Variants in CDH11 observed in about 807,000 individuals in gnomAD.
CDH11 encodes the protein cadherin-11.
In CDH11, 11 loss-of-function variants were observed where a neutral mutation model predicts 67.8. The ratio of observed to expected loss-of-function variants is 0.16; its 90% CI spans 0.10 to 0.27. The LOEUF is 0.27. Among genes scored for constraint, CDH11 ranks in the 10% least tolerant of loss-of-function variants. CDH11 has a pLI of 1.00. For missense variants in CDH11, 847 were observed against 1,031.2 expected (o/e 0.82, Z 2.45); for synonymous variants, 419 against 400.0 (o/e 1.05, Z -0.57).
intron 1 of CDH11, among the ~76,000 whole-genome samples, chr16:65,060,500 G>A (rs1342451484): frequency 6.6e-6 from 1 of 151,950 alleles, no homozygotes; most frequent in Non-Finnish European, 1.5e-5. Flanking sequence ...TTTTAGGGTG[G>A]AGGTGAGAAG....
chr16:64,992,026 A>G lies in CDH11; in HGVS notation c.644-91T>C, dbSNP rs563458495. ...GAGCACTGAGGAAGCAATGCTGAAT[A>G]AAATATCCCATGCCCTCAGCAAGAA... On this transcript the variant is annotated intron_variant, in intron 5 of 12. Transcript: ENST00000268603. 3.2e-5 allele frequency: 27 copies of G among 849,204 alleles called. No individual in the cohort carries two copies. In the South Asian group the frequency reaches 6.5e-4, roughly 20 times the overall value. The allele number at this position is 849,204 out of a possible 1,614,324, so 52.6% of individuals were successfully genotyped here.
intron 1 of CDH11, among the ~76,000 whole-genome samples, chr16:65,065,097 C>T (rs1442809653): frequency 6.6e-6 from 1 of 152,148 alleles, no homozygotes; most frequent in Admixed American, 6.5e-5. Flanking sequence ...TCACAGTTCT[C>T]TTCCAAGGAC....
At chr16:64,951,049 C>T (rs1326772394) in intron 11 of CDH11, 31 bp from the exon 12 acceptor site, 3 of 1,596,968 alleles carry the variant, frequency 1.9e-6, no homozygotes, top group East Asian at 2.2e-5. Context: ...GGCCGTGCGC[C>T]CAGTCAAGAC....
intron 4 of CDH11, among the ~76,000 whole-genome samples, chr16:64,994,712 C>T (rs1345625916): frequency 2.0e-5 from 3 of 152,038 alleles, no homozygotes; most frequent in Non-Finnish European, 4.4e-5. Flanking sequence ...CTAATCAGAG[C>T]AATGAGGCAA....
Position 64,947,292 on chromosome 16 carries a change from A to G in CDH11, c.*311T>C. The G allele has an allele frequency of 8.6e-7, 1 of 1,166,354 alleles. No homozygotes were observed. Among genetic ancestry groups the G allele is most frequent in the South Asian group, 2.9e-5 (1 of 33,986 alleles). 72.3% of individuals were successfully genotyped at this position (1,166,354 alleles called of 1,614,324 possible). On this transcript the variant is annotated 3_prime_UTR_variant, in exon 13 of 13. Transcript: ENST00000268603. Reference sequence around the variant, plus strand: ...AGAAAGACTTGGATGTTCATAACACATAAACAATTTCCCTTCATTGTCAGT... The same window carrying G: ...AGAAAGACTTGGATGTTCATAACACGTAAACAATTTCCCTTCATTGTCAGT...
chr16:65,094,064 G>A (rs2074841023), intron 1 of CDH11, among the ~76,000 whole-genome samples: 1 of 152,108 alleles, frequency 6.6e-6, no homozygotes, highest in Non-Finnish European at 1.5e-5. Flanking sequence ...ATTTATTTAA[G>A]GCCTCTCCTC....
intron 2 of CDH11, among the ~76,000 whole-genome samples, chr16:65,030,306 C>T (rs60482363): frequency 0.012 from 1,791 of 152,250 alleles, 33 homozygotes; most frequent in African/African-American, 0.04. Context: ...TATATTAAAA[C>T]AATTATTTGC....
intron 3 of CDH11, among the ~76,000 whole-genome samples, chr16:65,003,726 G>A (rs1338195554): frequency 6.6e-6 from 1 of 152,116 alleles, no homozygotes; most frequent in African/African-American, 2.4e-5. Context: ...ACAGAGCCTG[G>A]AATGGGAAGT....
intron 1 of CDH11, among the ~76,000 whole-genome samples, chr16:65,082,742 A>G (rs1469632908): frequency 1.3e-5 from 2 of 152,250 alleles, no homozygotes; most frequent in African/African-American, 4.8e-5. Flanking sequence ...TTAAGTGCAG[A>G]GTCAACTCAC....
intron 1 of CDH11, among the ~76,000 whole-genome samples, chr16:65,084,256 C>T (rs780326137): frequency 6.6e-5 from 10 of 152,048 alleles, no homozygotes; most frequent in Admixed American, 3.9e-4. Flanking sequence ...TGGGAGGCCA[C>T]GGTGGGAGGA....
At chr16:64,966,358 T>C (rs934413855) in intron 11 of CDH11, among the ~76,000 whole-genome samples, 3 of 151,990 alleles carry the variant, frequency 2.0e-5, no homozygotes, top group African/African-American at 2.4e-5. Flanking sequence ...AAAGTACTTG[T>C]AGGGCACCTG....
chr16:65,034,523 C>T (rs956092121), intron 2 of CDH11, among the ~76,000 whole-genome samples: 15 of 152,144 alleles, frequency 9.9e-5, no homozygotes, highest in East Asian at 1.9e-4. Context: ...GGTTCAAAGC[C>T]GACCTCTGCC....
intron 8 of CDH11, among the ~76,000 whole-genome samples, chr16:64,977,409 G>A (rs902261205): frequency 1.3e-5 from 2 of 152,090 alleles, no homozygotes; most frequent in Non-Finnish European, 2.9e-5. Flanking sequence ...GTGAATCCTT[G>A]GAGACAATGA....
intron 2 of CDH11, among the ~76,000 whole-genome samples, chr16:65,028,250 ACCT>A (rs1411861497): frequency 6.6e-6 from 1 of 152,000 alleles, no homozygotes; most frequent in Non-Finnish European, 1.5e-5. Flanking sequence ...TTGAAGTTCC[ACCT>A]AAGGCACAGC....
In CDH11 at chr16:64,993,033, T is replaced by C. The variant is rs757815999; in HGVS notation, c.525A>G (p.Gly175=). The change falls in exon 5 of 13, where the codon GGA becomes GGG. Residue 175 remains glycine, a splice_region_variant and synonymous_variant. Coordinates refer to ENST00000268603, the MANE Select transcript of CDH11 (RefSeq NM_001797.4). ...HANVPERSNV[G]TSVIQVTASD... Reference sequence around the variant, plus strand: ...AAGCTGTCACCTGGATTACTGACGTTCCTTAAAAGTGAAATAAATTAATTA... The same window carrying C: ...AAGCTGTCACCTGGATTACTGACGTCCCTTAAAAGTGAAATAAATTAATTA... 3 of 1,609,664 alleles carry C rather than the reference T, an allele frequency of 1.9e-6. No homozygotes were observed. In the South Asian group the frequency reaches 3.3e-5, roughly 18 times the overall value.
intron 2 of CDH11, among the ~76,000 whole-genome samples, chr16:65,026,894 G>T (rs930282288): frequency 2.0e-5 from 3 of 152,152 alleles, no homozygotes; most frequent in Non-Finnish European, 4.4e-5. Flanking sequence ...TGCAAGCCCT[G>T]CAGGGAACTG....
In CDH11 at chr16:65,013,339, G is replaced by A. The variant is rs574800235; in HGVS notation, c.-172-8298C>T. On this transcript the variant is annotated intron_variant, in intron 2 of 12. Transcript: ENST00000268603. ...GGGAATCCACTCGGAATTTCTAGTC[G>A]GGGTTGACAGGAGCCGAGCTGTCAG... Among the ~76,000 whole-genome samples the A allele has an allele frequency of 2.6e-5, 4 of 152,258 alleles. 1 individual carries two copies. Among genetic ancestry groups the A allele is most frequent in the African/African-American group, 7.2e-5 (3 of 41,556 alleles).
Position 65,096,439 on chromosome 16 carries a change from GTGTGTATA to G in CDH11, c.-298+25433_-298+25440del, listed in dbSNP as rs202067590. On this transcript the variant is annotated intron_variant, in intron 1 of 12. Transcript: ENST00000268603. The stretch of plus-strand genomic sequence containing the variant: ...TGTGTGTGTGTGTGTGTGTGTGTGT[GTGTGTATA>G]TATATGTTTATATATGTGTGTATAT... Among the ~76,000 whole-genome samples the G allele has an allele frequency of 2.0e-3, 286 of 141,778 alleles. 3 individuals are homozygous for G. The highest frequency in any genetic ancestry group is 8.1e-3 in the Middle Eastern group (2 of 248). The allele number at this position is 141,778 out of a possible 152,430, so 93.0% of individuals were successfully genotyped here. A position where few individuals can be genotyped will look rare whatever the true frequency, so the allele number is the denominator to read the frequency against.
chr16:65,106,798 G>A (rs1441876233), intron 1 of CDH11, among the ~76,000 whole-genome samples: 1 of 152,086 alleles, frequency 6.6e-6, no homozygotes, highest in African/African-American at 2.4e-5. Flanking sequence ...CATGGATCTG[G>A]GAAACACAAC....
Sources: allele counts gnomAD v4.1 joint callset (sites outside exome capture counted in the v4.1 genomes callset), GRCh38; gene constraint gnomAD v4.1.1; transcripts MANE v1.5; gene names NCBI Gene and HGNC (gene_info 2026-07-23, HGNC 2026-07-21).